The following TBC1D5 variants were observed in gnomAD, a reference collection of about 807,000 sequenced individuals.
The protein encoded by TBC1D5 is TBC1 domain family member 5, also known as TBC1 domain family, member 5.
A neutral mutation model predicts 100.3 loss-of-function variants in TBC1D5; 75 were observed. That is an observed-to-expected ratio of 0.75 (90% CI 0.62 to 0.91). The LOEUF is 0.91. Among genes scored for constraint, TBC1D5 ranks in the 40% least tolerant of loss-of-function variants. TBC1D5 has a pLI of 0.00. For missense variants in TBC1D5, 910 were observed against 942.4 expected, an observed-to-expected ratio of 0.97 and a Z score of 0.45; for synonymous variants, 323 against 325.6, an observed-to-expected ratio of 0.99 and a Z score of 0.09.
intron 17 of TBC1D5, among the ~76,000 whole-genome samples, chr3:17,219,871 A>G (rs2126082086): frequency 6.6e-6 from 1 of 152,016 alleles, no homozygotes; most frequent in East Asian, 1.9e-4. Context: ...TATTTTGATC[A>G]TTTTTTGTCA....
At chr3:17,266,856 T>C (rs1287761130) in intron 15 of TBC1D5, among the ~76,000 whole-genome samples, 2 of 151,810 alleles carry the variant, frequency 1.3e-5, no homozygotes, top group Non-Finnish European at 2.9e-5. Context: ...GATAGAAAAA[T>C]CTAGGTAATT....
At chr3:17,255,070 T>C (rs753640633) in intron 16 of TBC1D5, among the ~76,000 whole-genome samples, 2 of 152,194 alleles carry the variant, frequency 1.3e-5, no homozygotes, top group Non-Finnish European at 2.9e-5. Flanking sequence ...CTGTAGGCCA[T>C]GAACTGAGTT....
At chr3:17,648,678 A>G (rs1019104225) in intron 1 of TBC1D5, among the ~76,000 whole-genome samples, 6 of 152,218 alleles carry the variant, frequency 3.9e-5, no homozygotes, top group African/African-American at 1.4e-4. Context: ...AAACACAAAC[A>G]GACACTTCTC....
At chr3:17,418,954 G>A (rs2094147048) in intron 4 of TBC1D5, among the ~76,000 whole-genome samples, 1 of 152,176 alleles carries the variant, frequency 6.6e-6, no homozygotes, top group Non-Finnish European at 1.5e-5. Context: ...CATGGATACA[G>A]AGGGGCTGAT....
chr3:17,389,091 T>C (rs980344861), intron 8 of TBC1D5, among the ~76,000 whole-genome samples: 2 of 152,166 alleles, frequency 1.3e-5, no homozygotes, highest in African/African-American at 4.8e-5. Context: ...CTTGTCCTTC[T>C]TCTCTTTTTT....
At chr3:17,430,495 G>A (rs1443038957) in intron 3 of TBC1D5, among the ~76,000 whole-genome samples, 1 of 150,896 alleles carries the variant, frequency 6.6e-6, no homozygotes, top group African/African-American at 2.4e-5. Flanking sequence ...AACTTTCAAG[G>A]TGCAAAAAAA....
intron 20 of TBC1D5, 54 bp downstream of exon 21, chr3:17,167,695 C>A: frequency 2.6e-6 from 4 of 1,528,778 alleles, no homozygotes; most frequent in Non-Finnish European, 2.7e-6. Flanking sequence ...CCCTGGGGGG[C>A]CCTCCCCGCG....
rs1315142951 is a variant in TBC1D5 at position 17,382,275 on chromosome 3, G to C, written c.612+1638C>G. 2.6e-5 allele frequency among the ~76,000 whole-genome samples: 4 copies of C among 152,010 alleles called. No homozygotes were observed. The East Asian group carries it at 7.7e-4, about 29-fold the overall frequency. The stretch of plus-strand genomic sequence containing the variant: ...TAAGTAAATTGTCTAAGATTGTGAA[G>C]TTAGTAAATGACAGAGGTGAGATTC... On this transcript the variant is annotated intron_variant, in intron 9 of 21. Transcript: ENST00000253692.
chr3:17,645,371 G>T (rs148171033), intron 1 of TBC1D5, among the ~76,000 whole-genome samples: 30 of 152,244 alleles, frequency 2.0e-4, no homozygotes, highest in Non-Finnish European at 3.7e-4. Context: ...ATTTGTTAAA[G>T]GAAGTCTACT....
At chr3:17,375,960 G>C (rs2092690749) in intron 10 of TBC1D5, among the ~76,000 whole-genome samples, 2 of 152,050 alleles carry the variant, frequency 1.3e-5, no homozygotes, top group Admixed American at 6.6e-5. Flanking sequence ...CCCAAAGTTA[G>C]GGTATCTTAA....
At chr3:17,549,637 T>C (rs1255724316) in intron 2 of TBC1D5, among the ~76,000 whole-genome samples, 2 of 152,142 alleles carry the variant, frequency 1.3e-5, no homozygotes, top group Non-Finnish European at 1.5e-5. Flanking sequence ...ATAGTTGTTT[T>C]AATAATGAAT....
At position 17,350,189 on chromosome 3, in the gene TBC1D5, C is replaced by T. The variant is rs2121261; in HGVS notation, c.995+21886G>A. 7.9e-4 allele frequency among the ~76,000 whole-genome samples: 120 copies of T among 151,974 alleles called. 2 individuals carry two copies. In the East Asian group the frequency reaches 0.012, roughly 15 times the overall value. On this transcript the variant is annotated intron_variant, in intron 13 of 21. Transcript: ENST00000253692. ...GCATGCTCACACTGGTGGTCATCAG[C>T]ACCCATTTTTTACCACTATCCCACA... is the stretch of plus-strand genomic sequence containing the variant.
At chr3:17,731,538 G>C (rs1484692807) in intron 1 of TBC1D5, among the ~76,000 whole-genome samples, 1 of 149,178 alleles carries the variant, frequency 6.7e-6, no homozygotes, top group Non-Finnish European at 1.5e-5. Context: ...GGTGTCATGA[G>C]ACTGGAAATA....
chr3:17,385,201 T>C (rs898035353), intron 8 of TBC1D5, among the ~76,000 whole-genome samples: 5 of 152,198 alleles, frequency 3.3e-5, no homozygotes, highest in Admixed American at 2.6e-4. Flanking sequence ...GCCTAACAAG[T>C]AGCAGATATT....
At position 17,455,524 on chromosome 3, in the gene TBC1D5, A is replaced by G. The variant is rs895758012; in HGVS notation, c.98-27005T>C. ...TATATGTGTGTGTGTATATATATAT[A>G]TATATATGTGTGTGTGTGTGTATAT... On this transcript the variant is annotated intron_variant, in intron 3 of 21. Transcript: ENST00000253692. 1.1e-4 allele frequency among the ~76,000 whole-genome samples: 13 copies of G among 113,548 alleles called. No individual in the cohort carries two copies. The East Asian group carries it at 2.0e-3, about 17-fold the overall frequency. The allele number at this position is 113,548 out of a possible 152,430, so 74.5% of individuals were successfully genotyped here.
At chr3:17,345,414 G>T (rs1029366235) in intron 13 of TBC1D5, among the ~76,000 whole-genome samples, 1 of 152,004 alleles carries the variant, frequency 6.6e-6, no homozygotes, top group Non-Finnish European at 1.5e-5. Context: ...AAAAAGTCAG[G>T]AAACAACAGG....
chr3:17,617,339 G>A (rs2062258580), intron 2 of TBC1D5, among the ~76,000 whole-genome samples: 1 of 152,134 alleles, frequency 6.6e-6, no homozygotes, highest in Admixed American at 6.5e-5. Flanking sequence ...TTCAACCTTG[G>A]TGAATCTGAC....
At chr3:17,290,252 C>T (rs1045063378) in intron 15 of TBC1D5, among the ~76,000 whole-genome samples, 6 of 152,120 alleles carry the variant, frequency 3.9e-5, no homozygotes, top group African/African-American at 1.2e-4. Flanking sequence ...GAATTTGCTT[C>T]ATTATATGTA....
At chr3:17,333,741 G>T (rs1374536392) in intron 13 of TBC1D5, among the ~76,000 whole-genome samples, 1 of 152,104 alleles carries the variant, frequency 6.6e-6, no homozygotes, top group Non-Finnish European at 1.5e-5. Flanking sequence ...GAAGGGCATT[G>T]TTTGGAGAGA....
Sources: gnomAD v4.1 joint callset for allele counts (sites outside exome capture counted in the v4.1 genomes callset) on GRCh38, gnomAD v4.1.1 for gene constraint, MANE v1.5 for transcripts, NCBI Gene and HGNC (gene_info 2026-07-23, HGNC 2026-07-21) for gene names.